The following CHD7 variants were observed in gnomAD, a reference collection of about 807,000 sequenced individuals.
CHD7 encodes the protein chromodomain helicase DNA binding protein 7, also known as ATP-dependent chromatin remodeler CHD7.
In CHD7, 24 loss-of-function variants were observed where a neutral mutation model predicts 307.3. The observed-to-expected ratio is 0.08, with a 90% CI of 0.06 to 0.11. CHD7 has a LOEUF of 0.11. Among genes scored for constraint, CHD7 ranks in the 10% least tolerant of loss-of-function variants. The pLI, the probability that CHD7 is intolerant of heterozygous loss-of-function variation, is 1.00. For missense variants in CHD7, 3,106 were observed against 3,727.1 expected (o/e 0.83, Z 4.34); for synonymous variants, 1,363 against 1,349.9 (o/e 1.01, Z -0.21).
chr8:60,813,850 T>C (rs778273032), intron 7 of CHD7, among the ~76,000 whole-genome samples: 1 of 151,420 alleles, frequency 6.6e-6, no homozygotes, highest in Non-Finnish European at 1.5e-5. Context: ...ATTATAAATA[T>C]AAATATTTAC....
chr8:60,859,874 G>GT (rs1805887693), intron 34 of CHD7, among the ~76,000 whole-genome samples: 1 of 152,190 alleles, frequency 6.6e-6, no homozygotes, highest in Non-Finnish European at 1.5e-5. Flanking sequence ...AAATAGGAGA[G>GT]TGATGTGACA....
At position 60,795,037 on chromosome 8, in the gene CHD7, G is replaced by A. The variant is rs746819160; in HGVS notation, c.2148G>A (p.Lys716=). Residue 716 remains lysine, a synonymous_variant, in exon 4 of 38, where the codon AAG becomes AAA. Coordinates refer to ENST00000423902, the MANE Select transcript of CHD7 (RefSeq NM_017780.4). ...EASALKKKVN[K]GKTEGSENSD... is the part of the protein sequence containing the mutation. ...GTGCTTTGAAGAAAAAGGTCAACAAGGGAAAAACAGAAGGTTCTGAAAATT... is the reference window on the plus strand; with the variant it reads ...GTGCTTTGAAGAAAAAGGTCAACAAAGGAAAAACAGAAGGTTCTGAAAATT... The A allele has an allele frequency of 6.2e-7, 1 of 1,613,710 alleles. No individual in the cohort carries two copies.
At chr8:60,761,816 A>AT (rs1217852049) in intron 2 of CHD7, among the ~76,000 whole-genome samples, 1 of 152,170 alleles carries the variant, frequency 6.6e-6, no homozygotes, top group South Asian at 2.1e-4. Flanking sequence ...TTAATCAGAA[A>AT]TTTTCTTAAA....
chr8:60,777,753 C>T (rs1207782875), intron 2 of CHD7, among the ~76,000 whole-genome samples: 3 of 152,134 alleles, frequency 2.0e-5, no homozygotes, highest in Admixed American at 2.0e-4. Context: ...AACACACTCA[C>T]CTTAGATCAT....
At chr8:60,811,709 A>G (rs997487866) in intron 7 of CHD7, among the ~76,000 whole-genome samples, 1 of 152,174 alleles carries the variant, frequency 6.6e-6, no homozygotes, top group African/African-American at 2.4e-5. Context: ...AAGTGAGTTT[A>G]CTAGATACAA....
chr8:60,750,083 C>A (rs528801682), intron 2 of CHD7, among the ~76,000 whole-genome samples: 2 of 152,176 alleles, frequency 1.3e-5, no homozygotes, highest in Non-Finnish European at 2.9e-5. Flanking sequence ...CTGATAGCCT[C>A]GCTCCTTAGA....
At chr8:60,749,032 AG>A (rs1809487848) in intron 2 of CHD7, among the ~76,000 whole-genome samples, 1 of 151,812 alleles carries the variant, frequency 6.6e-6, no homozygotes, top group South Asian at 2.1e-4. Context: ...GTAAATCTCA[AG>A]TAGCATCAAT....
At chr8:60,821,216 T>C (rs1444199375) in intron 9 of CHD7, among the ~76,000 whole-genome samples, 1 of 152,202 alleles carries the variant, frequency 6.6e-6, no homozygotes, top group African/African-American at 2.4e-5. Context: ...CATGTAAGTC[T>C]GAATCAAACT....
At chr8:60,861,284 A>G (rs954912118) in intron 35 of CHD7, 159 bp downstream of exon 35, 2 of 596,726 alleles carry the variant, frequency 3.4e-6, no homozygotes, top group Non-Finnish European at 5.8e-6. Flanking sequence ...AATCTTCTTC[A>G]TTACAGATAC....
At chr8:60,822,920 C>A (rs752726582) in intron 12 of CHD7, among the ~76,000 whole-genome samples, 174 bp downstream of exon 12, 1 of 152,154 alleles carries the variant, frequency 6.6e-6, no homozygotes, top group Non-Finnish European at 1.5e-5. Flanking sequence ...ATGAAAACAG[C>A]TCTTCATTTT....
intron 4 of CHD7, among the ~76,000 whole-genome samples, chr8:60,798,441 A>G (rs1812135340): frequency 1.3e-5 from 2 of 152,220 alleles, no homozygotes; most frequent in Admixed American, 1.3e-4. Flanking sequence ...TTTGATGGTC[A>G]TATTATACCG....
At chr8:60,697,560 C>T (rs1260235568) in intron 1 of CHD7, among the ~76,000 whole-genome samples, 1 of 152,150 alleles carries the variant, frequency 6.6e-6, no homozygotes, top group Non-Finnish European at 1.5e-5. Flanking sequence ...TATGCAACTT[C>T]ATTTTATTAC....
intron 2 of CHD7, among the ~76,000 whole-genome samples, chr8:60,778,974 G>A (rs1475343182): frequency 6.6e-6 from 1 of 152,084 alleles, no homozygotes; most frequent in African/African-American, 2.4e-5. Context: ...TCCCTGCATG[G>A]AAATCTGCTC....
In CHD7 at chr8:60,852,087, C is replaced by T; in HGVS notation, c.5734C>T (p.Arg1912Cys). The change falls in exon 29 of 38, where the codon CGT becomes TGT. Residue 1912 changes from arginine (R) to cysteine (C), a missense_variant. Arg to Cys is a radical substitution (Grantham distance 180). This residue lies in a region of CHD7 where 1,030 missense variants were observed against 1,165.4 expected (regional missense o/e 0.88). Transcript: ENST00000423902. ...GCCTAACACTTCAACCCTGACTACA[C>T]GTCTGCGCCGGCTCATTACTGCCTA... ...YWPNTSTLTTRLRRLITAYQR... is the reference protein window; with the variant it reads ...YWPNTSTLTTCLRRLITAYQR... 2 of 1,613,944 alleles carry T rather than the reference C, an allele frequency of 1.2e-6. No homozygotes were observed. The highest frequency in any genetic ancestry group is 1.7e-6 in the Non-Finnish European group (2 of 1,179,846).
chr8:60,742,359 G>A lies in CHD7; in HGVS notation c.927G>A (p.Gln309=), dbSNP rs777428817. Residue 309 remains glutamine (Q), a synonymous_variant, in exon 2 of 38, where the codon CAG becomes CAA. Transcript: ENST00000423902. ...CTCCTACTATAAACAACTCAGGGCA[G>A]TATTCTCGATATCCTTACAGTAACC... ...VPSPTINNSG[Q]YSRYPYSNLN... 1 of 1,613,972 alleles carries A rather than the reference G, an allele frequency of 6.2e-7. No individual in the cohort carries two copies. Among genetic ancestry groups the A allele is most frequent in the South Asian group, 1.1e-5 (1 of 91,084 alleles).
At chr8:60,851,915 C>A in intron 28 of CHD7, 104 bp from the exon 29 acceptor site, 1 of 729,308 alleles carries the variant, frequency 1.4e-6, no homozygotes, top group Non-Finnish European at 2.2e-6. Flanking sequence ...ATGCCCTTTC[C>A]CACACTGTCA....
In CHD7 at chr8:60,866,075, A is replaced by G. The variant is rs1263261108; in HGVS notation, c.*142A>G. The G allele has an allele frequency of 1.4e-6, 1 of 694,726 alleles. No individual in the cohort carries two copies. Among genetic ancestry groups the G allele is most frequent in the Non-Finnish European group, 2.4e-6 (1 of 412,348 alleles). The allele number at this position is 694,726 out of a possible 1,614,324, so 43.0% of individuals were successfully genotyped here. On this transcript the variant is annotated 3_prime_UTR_variant, in exon 38 of 38. Coordinates refer to ENST00000423902, the MANE Select transcript of CHD7 (RefSeq NM_017780.4). ...CAAAAAAAAAAGTTCAAGTCATGTT[A>G]TACAGGTGTGTCAAAAGGTATCTTG...
intron 37 of CHD7, chr8:60,864,615 ACT>A: frequency 4.7e-6 from 1 of 210,722 alleles, no homozygotes; most frequent in Non-Finnish European, 9.7e-6. Flanking sequence ...ATGTGATTAT[ACT>A]CTTTTAGTTA....
At chr8:60,701,353 G>A (rs770503420) in intron 1 of CHD7, among the ~76,000 whole-genome samples, 11 of 152,288 alleles carry the variant, frequency 7.2e-5, no homozygotes, top group Non-Finnish European at 1.5e-4. Flanking sequence ...ATCTTTATTT[G>A]CGGACTGTCC....
Sources: allele counts gnomAD v4.1 joint callset (sites outside exome capture counted in the v4.1 genomes callset), GRCh38; gene constraint gnomAD v4.1.1; regional missense constraint gnomAD v4.1.1; transcripts MANE v1.5; gene names NCBI Gene and HGNC (gene_info 2026-07-23, HGNC 2026-07-21).